MYH11: variants seen among roughly 807,000 people sequenced by gnomAD.
The protein encoded by MYH11 is myosin heavy chain 11.
In MYH11, 80 loss-of-function variants were observed where a neutral mutation model predicts 246.6. The ratio of observed to expected loss-of-function variants is 0.32; its 90% CI spans 0.27 to 0.39. The LOEUF (loss-of-function observed/expected upper bound fraction) is 0.39. Among genes scored for constraint, MYH11 ranks in the 10% least tolerant of loss-of-function variants. The probability of loss-of-function intolerance (pLI) is 1.00; values close to 1 mark genes in which losing one functional copy is unlikely to be tolerated. For missense variants in MYH11, 2,158 were observed against 2,546.8 expected (o/e 0.85, Z 3.29); for synonymous variants, 1,071 against 1,015.5 (o/e 1.05, Z -1.04).
At chr16:15,837,087 A>G (rs1249617304) in intron 2 of MYH11, among the ~76,000 whole-genome samples, 1 of 152,174 alleles carries the variant, frequency 6.6e-6, no homozygotes, top group African/African-American at 2.4e-5. Flanking sequence ...AGTGGCTACC[A>G]TATTGTGCCA....
In MYH11 at chr16:15,717,368, C is replaced by A; in HGVS notation, c.5296-20G>T. 1 of 1,602,550 alleles carries A rather than the reference C, an allele frequency of 6.2e-7. No homozygotes were observed. The highest frequency in any genetic ancestry group is 8.5e-7 in the Non-Finnish European group (1 of 1,179,824). ...CTCGGCCTGGGGAGGAGAGTGAAGG[C>A]CATGAGGCGGACTCAGGGAAGCCCA... is the stretch of plus-strand genomic sequence containing the variant. On this transcript the variant is annotated intron_variant, in intron 37 of 40. Coordinates refer to ENST00000300036, the MANE Select transcript of MYH11 (RefSeq NM_002474.3).
intron 21 of MYH11, 25 bp from the exon 22 acceptor site, chr16:15,741,694 GC>G: frequency 1.2e-6 from 2 of 1,614,004 alleles, no homozygotes; most frequent in Non-Finnish European, 1.7e-6. Flanking sequence ...TGGGGAGGAG[GC>G]GGGTGAGCCC....
At chr16:15,784,502 C>A (rs1395991936) in intron 5 of MYH11, among the ~76,000 whole-genome samples, 1 of 151,982 alleles carries the variant, frequency 6.6e-6, no homozygotes, top group Admixed American at 6.6e-5. Context: ...GGTAAATGCA[C>A]CCCCACACCC....
rs1060500722 is a variant in MYH11, at chr16:15,771,586, CTGA to C, written c.1013_1015del (p.Phe338_Ser339delinsCys). The C allele has an allele frequency of 2.5e-6, 4 of 1,614,028 alleles. No individual in the cohort carries two copies. Among genetic ancestry groups the C allele is most frequent in the Non-Finnish European group, 3.4e-6 (4 of 1,180,016 alleles). On this transcript the variant is annotated inframe_deletion, in exon 9 of 41. Coordinates refer to ENST00000300036, the MANE Select transcript of MYH11 (RefSeq NM_002474.3). ...AGGCTTACATAGCTGCTCCTCCTCG[CTGA>C]AACCCATGATTGCCATGGCCTCCAC...
chr16:15,850,770 C>T (rs1048768739), intron 1 of MYH11, among the ~76,000 whole-genome samples: 2 of 152,066 alleles, frequency 1.3e-5, no homozygotes, highest in African/African-American at 4.8e-5. Context: ...CAGCACATGC[C>T]GGTAGTCCCA....
rs764242549 is a variant in MYH11, at chr16:15,726,938, C to T, written c.3768G>A (p.Lys1256=). The change falls in exon 28 of 41, where the codon AAG becomes AAA. Residue 1256 remains lysine, a synonymous_variant. Coordinates refer to ENST00000300036, the MANE Select transcript of MYH11 (RefSeq NM_002474.3). ...AKQEVEHKKK[K]LEAQVQELQS... ...GCAGCTCCTGCACCTGCGCCTCCAGCTTCTTCTTCTTATGTTCCACCTCCT... is the reference window on the plus strand; with the variant it reads ...GCAGCTCCTGCACCTGCGCCTCCAGTTTCTTCTTCTTATGTTCCACCTCCT... The T allele has an allele frequency of 5.6e-6, 9 of 1,613,202 alleles. 1 individual carries two copies. The highest frequency in any genetic ancestry group is 3.3e-5 in the South Asian group (3 of 91,072).
chr16:15,837,909 T>C lies in MYH11; in HGVS notation c.344A>G (p.Tyr115Cys), dbSNP rs1465301521. 3 of 1,613,508 alleles carry C rather than the reference T, an allele frequency of 1.9e-6. No homozygotes were observed. Among genetic ancestry groups the C allele is most frequent in the Non-Finnish European group, 2.5e-6 (3 of 1,179,480 alleles). Residue 115 changes from tyrosine (Y) to cysteine (C), a missense_variant and splice_region_variant, in exon 2 of 41, where the codon TAT (tyrosine) becomes TGT (cysteine). By Grantham distance (194) the Tyr-to-Cys change is radical. This residue lies in a region of MYH11 where 36 missense variants were observed against 73.9 expected (regional missense o/e 0.49). Transcript: ENST00000300036. ...LRERYFSGLI[Y>C]TYSGLFCVVV... ...TACCTGGCTGCCTGCAATACTCACA[T>C]ATATTAGCCCTGAGAAGTACCGCTC...
In MYH11 at chr16:15,721,642, A is replaced by G. The variant is rs753422471; in HGVS notation, c.4366-8T>C. The G allele has an allele frequency of 6.2e-7, 1 of 1,614,052 alleles. No homozygotes were observed. Among genetic ancestry groups the G allele is most frequent in the Non-Finnish European group, 8.5e-7 (1 of 1,179,976 alleles). Reference sequence around the variant, plus strand: ...TTTCTCCTCGGCTAACAACTACAACACAAGACCCAGAGGTGACTTCTAGGC... The same window carrying G: ...TTTCTCCTCGGCTAACAACTACAACGCAAGACCCAGAGGTGACTTCTAGGC... On this transcript the variant is annotated splice_region_variant and splice_polypyrimidine_tract_variant and intron_variant, in intron 31 of 40. Transcript: ENST00000300036.
chr16:15,773,219 G>C (rs979414104), intron 8 of MYH11, among the ~76,000 whole-genome samples: 1 of 151,542 alleles, frequency 6.6e-6, no homozygotes, highest in Non-Finnish European at 1.5e-5. Flanking sequence ...AGTTTAGATA[G>C]TATCTAGTGA....
chr16:15,780,744 A>T (rs2042333843), intron 6 of MYH11, among the ~76,000 whole-genome samples: 1 of 151,930 alleles, frequency 6.6e-6, no homozygotes, highest in African/African-American at 2.4e-5. Context: ...CAGCCTCCCA[A>T]GGTGCTGGGT....
intron 31 of MYH11, among the ~76,000 whole-genome samples, chr16:15,723,275 GGAAATGTACTGACATCTGTAATTTGCTCT>G (rs1473745000): frequency 6.6e-6 from 1 of 152,052 alleles, no homozygotes; most frequent in African/African-American, 2.4e-5. Context: ...GTGTGGAAGG[GGAAATGTACTGACATCTGTAATTTGCTCT>G]GAAATGTACC....
At chr16:15,737,965 G>A (rs542351306) in intron 24 of MYH11, among the ~76,000 whole-genome samples, 2 of 152,040 alleles carry the variant, frequency 1.3e-5, no homozygotes, top group Non-Finnish European at 2.9e-5. Context: ...GCTAATTTTT[G>A]TATTTTGAGA....
At chr16:15,709,212 A>C (rs972665500) in intron 40 of MYH11, among the ~76,000 whole-genome samples, 1 of 152,108 alleles carries the variant, frequency 6.6e-6, no homozygotes, top group Non-Finnish European at 1.5e-5. Context: ...AGGTGCTGGG[A>C]TTTGGGATTA....
rs796934961 is a variant in MYH11 at position 15,719,059 on chromosome 16, T to G, written c.5171+161A>C. The G allele has an allele frequency of 2.7e-5, 19 of 699,728 alleles. 1 individual carries two copies. The highest frequency in any genetic ancestry group is 2.2e-4 in the South Asian group (14 of 63,936). 43.3% of individuals were successfully genotyped at this position (699,728 alleles called of 1,614,324 possible). A position where few individuals can be genotyped will look rare whatever the true frequency, so the allele number is the denominator to read the frequency against. Reference sequence around the variant, plus strand: ...AGGAGAATTGCTTGAACCTGGGAGGTGGAGGTTGCAGTGAGCCAAGATTGT... The same window carrying G: ...AGGAGAATTGCTTGAACCTGGGAGGGGGAGGTTGCAGTGAGCCAAGATTGT... On this transcript the variant is annotated intron_variant, in intron 36 of 40. Coordinates refer to ENST00000300036, the MANE Select transcript of MYH11 (RefSeq NM_002474.3).
At position 15,750,083 on chromosome 16, in the gene MYH11, C is replaced by A. The variant is rs752052697; in HGVS notation, c.2058+55G>T. 3.7e-6 allele frequency: 6 copies of A among 1,605,156 alleles called. No individual in the cohort carries two copies. The South Asian group carries it at 4.4e-5, about 12-fold the overall frequency. On this transcript the variant is annotated intron_variant, in intron 16 of 40. Coordinates refer to ENST00000300036, the MANE Select transcript of MYH11 (RefSeq NM_002474.3). This position sits in a 1 kb window ranked among gnomAD's most constrained non-coding sequence, Gnocchi z 4.3. ...GAGGGCGCCCTGGGGACGCTGTGAC[C>A]GCTTGGGACAGCCCTGGCTTCTGGG...
At chr16:15,845,439 G>A (rs560809928) in intron 1 of MYH11, among the ~76,000 whole-genome samples, 29 of 151,914 alleles carry the variant, frequency 1.9e-4, no homozygotes, top group Admixed American at 3.3e-4. Flanking sequence ...AGTACCTTCT[G>A]TTTCTATACC....
At chr16:15,719,749 C>A in intron 34 of MYH11, 36 bp from the exon 35 acceptor site, 1 of 1,613,532 alleles carries the variant, frequency 6.2e-7, no homozygotes, top group Non-Finnish European at 8.5e-7. Context: ...GCTCAGATGT[C>A]CTTACTCCCC....
intron 2 of MYH11, among the ~76,000 whole-genome samples, chr16:15,827,091 G>T (rs979690383): frequency 2.7e-4 from 41 of 151,338 alleles, no homozygotes; most frequent in Admixed American, 1.3e-4. Flanking sequence ...GTCAACATAT[G>T]CCTGTCTAAA....
chr16:15,719,293 C>G lies in MYH11; in HGVS notation c.5098G>C (p.Glu1700Gln). 2 of 1,611,904 alleles carry G rather than the reference C, an allele frequency of 1.2e-6. No individual in the cohort carries two copies. Among genetic ancestry groups the G allele is most frequent in the Non-Finnish European group, 1.7e-6 (2 of 1,180,002 alleles). The change falls in exon 36 of 41, where the codon GAG becomes CAG. Residue 1700 changes from glutamate (E) to glutamine (Q), a missense_variant. Transcript: ENST00000300036. ...AGGTCCGCTTGTTTGCGAGCCCTCT[C>G]AGCGGCGGCGAGGTCCTAGGTGGGA... Reference protein sequence around the residue: ...MQLQEDLAAAERARKQADLEK... With the variant: ...MQLQEDLAAAQRARKQADLEK...
Sources: gnomAD v4.1 joint callset for allele counts (sites outside exome capture counted in the v4.1 genomes callset) on GRCh38, gnomAD v4.1.1 for gene constraint, gnomAD v4.1.1 regional missense constraint, Gnocchi (gnomAD v3.1) non-coding constraint, MANE v1.5 for transcripts, NCBI Gene and HGNC (gene_info 2026-07-23, HGNC 2026-07-21) for gene names.